Variants in ANKRD44 observed in about 807,000 individuals in gnomAD.
ANKRD44 encodes the protein serine/threonine-protein phosphatase 6 regulatory ankyrin repeat subunit B.
In ANKRD44, 35 loss-of-function variants were observed where a neutral mutation model predicts 116.0. The observed-to-expected ratio is 0.30, with a 90% CI of 0.23 to 0.40. The LOEUF (loss-of-function observed/expected upper bound fraction) is 0.40, where lower values mean the gene tolerates loss of function less well. Ranked by LOEUF, ANKRD44 falls within the 10% of genes least tolerant of loss-of-function variation. ANKRD44 has a pLI of 1.00. For synonymous variants in ANKRD44, 435 were observed against 461.8 expected, an observed-to-expected ratio of 0.94 and a Z score of 0.74; for missense variants, 1,014 against 1,242.6, an observed-to-expected ratio of 0.82 and a Z score of 2.77.
chr2:197,201,837 C>T lies in ANKRD44; in HGVS notation c.28-14731G>A, dbSNP rs1358508. On this transcript the variant is annotated intron_variant, in intron 1 of 27. Coordinates refer to ENST00000282272, the MANE Select transcript of ANKRD44 (RefSeq NM_001195144.2). The surrounding 1 kb of genome is among the most constrained non-coding windows in gnomAD (Gnocchi z 4.0). ...ATCTCTTGCCCTCCTCCCATCCTGC[C>T]CCCTTTTGGGATTCACAGTGTTTAC... 2.3e-3 allele frequency among the ~76,000 whole-genome samples: 344 copies of T among 152,294 alleles called. 1 individual carries two copies. Among genetic ancestry groups the T allele is most frequent in the African/African-American group, 7.7e-3 (322 of 41,550 alleles).
chr2:197,212,793 C>T lies in ANKRD44; in HGVS notation c.28-25687G>A, dbSNP rs2081354099. On this transcript the variant is annotated intron_variant, in intron 1 of 27. Coordinates refer to ENST00000282272, the MANE Select transcript of ANKRD44 (RefSeq NM_001195144.2). The surrounding 1 kb of genome is among the most constrained non-coding windows in gnomAD (Gnocchi z 4.8). ...GAAGGGAGGTGGACACGTACACACA[C>T]AAACACACACTTCAATCAGGAACTC... Among the ~76,000 whole-genome samples, 1 of 152,084 alleles carries T rather than the reference C, an allele frequency of 6.6e-6. No homozygotes were observed. The highest frequency in any genetic ancestry group is 2.4e-5 in the African/African-American group (1 of 41,406).
intron 2 of ANKRD44, among the ~76,000 whole-genome samples, chr2:197,184,270 G>C (rs1220696562): frequency 1.3e-5 from 2 of 152,158 alleles, no homozygotes; most frequent in African/African-American, 4.8e-5. Flanking sequence ...TCGTAGCTAG[G>C]TATGGCCATG....
At chr2:197,004,878 A>C (rs2076175146) in intron 21 of ANKRD44, among the ~76,000 whole-genome samples, 1 of 152,188 alleles carries the variant, frequency 6.6e-6, no homozygotes, top group Non-Finnish European at 1.5e-5. Flanking sequence ...GGTTGAATAA[A>C]TAATAAGTTC....
chr2:197,114,333 G>C (rs2078659204), intron 8 of ANKRD44, among the ~76,000 whole-genome samples: 1 of 152,074 alleles, frequency 6.6e-6, no homozygotes. Flanking sequence ...TTAGGGCTTT[G>C]AAATTATTGT....
chr2:197,171,996 C>CTTTTTTTTTTTTTTTTTTTTTTTTTT (rs1559122763), intron 2 of ANKRD44, among the ~76,000 whole-genome samples: 2 of 29,318 alleles, frequency 6.8e-5, no homozygotes, highest in South Asian at 1.8e-3. Flanking sequence ...CGTTATTTTT[C>CTTTTTTTTTTTTTTTTTTTTTTTTTT]TTCTTTTTTT....
At chr2:197,166,462 G>C (rs6434911) in intron 2 of ANKRD44, among the ~76,000 whole-genome samples, 130,319 of 152,218 alleles carry the variant, frequency 0.86, 59,426 homozygotes, top group East Asian at 1. Flanking sequence ...AATGACAAAG[G>C]CACCAAATGA....
At chr2:197,124,936 C>T (rs73991203) in intron 6 of ANKRD44, among the ~76,000 whole-genome samples, 1,559 of 151,656 alleles carry the variant, frequency 0.01, 32 homozygotes, top group African/African-American at 0.034. Flanking sequence ...TGCCCTCCAT[C>T]TATAAAATAG....
rs775415232 is a variant in ANKRD44 at position 197,089,988 on chromosome 2, T to C, written c.1145A>G (p.Asn382Ser). 1.4e-5 allele frequency: 23 copies of C among 1,614,062 alleles called. No individual in the cohort carries two copies. The highest frequency in any genetic ancestry group is 1.7e-5 in the Non-Finnish European group (20 of 1,179,950). Reference protein sequence around the residue: ...SMFPLHLAALNAHSDCCRKLL... With the variant: ...SMFPLHLAALSAHSDCCRKLL... ...CTTTCTGCAGCAGTCAGAGTGAGCATTTAGGGCAGCTAAATGTAAAGGGAA... is the reference window on the plus strand; with the variant it reads ...CTTTCTGCAGCAGTCAGAGTGAGCACTTAGGGCAGCTAAATGTAAAGGGAA... Residue 382 changes from asparagine to serine, a missense_variant, in exon 11 of 28, where the codon AAT becomes AGT. Physicochemically the swap from Asn to Ser is conservative, Grantham distance 46. Coordinates refer to ENST00000282272, the MANE Select transcript of ANKRD44 (RefSeq NM_001195144.2).
Position 196,995,432 on chromosome 2 carries a change from A to G in ANKRD44, c.2778T>C (p.Leu926=), listed in dbSNP as rs2075995660. The G allele has an allele frequency of 6.2e-7, 1 of 1,611,966 alleles. No homozygotes were observed. Among genetic ancestry groups the G allele is most frequent in the Non-Finnish European group, 8.5e-7 (1 of 1,178,914 alleles). The part of the protein sequence containing the change: ...KGHEKCALLI[L]DKIQDESLIN... ...TAAGGCTCTCGTCTTGTATCTTGTC[A>G]AGTATTAACAAGGCACATTTTTCAT... is the stretch of plus-strand genomic sequence containing the variant. Residue 926 remains leucine (L), a synonymous_variant, in exon 26 of 28, where the codon CTT becomes CTC. Transcript: ENST00000282272.
chr2:197,208,588 C>T (rs1356222452), intron 1 of ANKRD44, among the ~76,000 whole-genome samples: 1 of 152,068 alleles, frequency 6.6e-6, no homozygotes, highest in Non-Finnish European at 1.5e-5. Context: ...ATCACGAGGT[C>T]AGGAGATTGA....
In ANKRD44 at chr2:197,248,877, T is replaced by C. The variant is rs543478413; in HGVS notation, c.27+61701A>G. Among the ~76,000 whole-genome samples, 7 of 152,212 alleles carry C rather than the reference T, an allele frequency of 4.6e-5. No individual in the cohort carries two copies. The South Asian group carries it at 8.3e-4, about 18-fold the overall frequency. On this transcript the variant is annotated intron_variant, in intron 1 of 27. Transcript: ENST00000282272. Reference sequence around the variant, plus strand: ...GTGCTGGAATTGAGTAAAAGTTTTGTTTAGGGAGAACTAATAGTTTTAGCT... The same window carrying C: ...GTGCTGGAATTGAGTAAAAGTTTTGCTTAGGGAGAACTAATAGTTTTAGCT...
chr2:196,969,084 T>C (rs1273398473), intron 21 of ANKRD44, among the ~76,000 whole-genome samples: 1 of 152,184 alleles, frequency 6.6e-6, no homozygotes, highest in Non-Finnish European at 1.5e-5. Context: ...TGAAGAAATA[T>C]GTGTGGAGTA....
intron 1 of ANKRD44, among the ~76,000 whole-genome samples, chr2:197,210,236 G>A (rs1040437152): frequency 6.6e-6 from 1 of 152,330 alleles, no homozygotes. Context: ...AAGAAGGACT[G>A]TCTTGAATCC....
intron 2 of ANKRD44, among the ~76,000 whole-genome samples, chr2:197,156,030 A>C (rs1276704297): frequency 1.3e-5 from 2 of 152,248 alleles, no homozygotes; most frequent in African/African-American, 4.8e-5. Flanking sequence ...AAAGATATAC[A>C]GATAGCAAAT....
At chr2:197,078,532 T>C in intron 16 of ANKRD44, 171 bp downstream of exon 16, 1 of 1,460,510 alleles carries the variant, frequency 6.8e-7, no homozygotes, top group South Asian at 1.2e-5. Flanking sequence ...GAAGGCAGCA[T>C]GGTGCAGTAG....
At chr2:197,296,804 GA>G in intron 1 of ANKRD44, among the ~76,000 whole-genome samples, 1 of 152,134 alleles carries the variant, frequency 6.6e-6, no homozygotes, top group East Asian at 1.9e-4. Flanking sequence ...TTTTAAAAGG[GA>G]AAAAACCCCA....
chr2:197,113,067 A>G (rs899536113), intron 8 of ANKRD44, among the ~76,000 whole-genome samples: 25 of 152,240 alleles, frequency 1.6e-4, no homozygotes, highest in African/African-American at 4.8e-4. Context: ...TCTTTTCTCC[A>G]TCTTCTATGA....
intron 1 of ANKRD44, among the ~76,000 whole-genome samples, chr2:197,230,301 G>A (rs890128804): frequency 3.9e-5 from 6 of 152,080 alleles, no homozygotes; most frequent in Non-Finnish European, 5.9e-5. Flanking sequence ...ACTGTGTGGG[G>A]AATACAGCTA....
In ANKRD44 at chr2:197,006,180, C is replaced by T. The variant is rs150895439; in HGVS notation, c.2131-270G>A. Reference sequence around the variant, plus strand: ...TGATGCGGCCGGGCGTGGTGGCTCACGCCTGTAATCCCAGCACTTTGGGAG... The same window carrying T: ...TGATGCGGCCGGGCGTGGTGGCTCATGCCTGTAATCCCAGCACTTTGGGAG... On this transcript the variant is annotated intron_variant, in intron 20 of 27. Coordinates refer to ENST00000282272, the MANE Select transcript of ANKRD44 (RefSeq NM_001195144.2). Among the ~76,000 whole-genome samples the T allele has an allele frequency of 4.1e-3, 619 of 152,218 alleles. 2 individuals carry two copies. The highest frequency in any genetic ancestry group is 0.013 in the African/African-American group (558 of 41,542).
Sources: allele counts gnomAD v4.1 joint callset (sites outside exome capture counted in the v4.1 genomes callset), GRCh38; gene constraint gnomAD v4.1.1; non-coding constraint Gnocchi (gnomAD v3.1); transcripts MANE v1.5; gene names NCBI Gene and HGNC (gene_info 2026-07-23, HGNC 2026-07-21).